The following TMPRSS11D variants were observed in gnomAD, a reference collection of about 807,000 sequenced individuals.
TMPRSS11D encodes transmembrane serine protease 11D, also known as transmembrane protease serine 11D.
A neutral mutation model predicts 44.4 loss-of-function variants in TMPRSS11D; 32 were observed. The ratio of observed to expected loss-of-function variants is 0.72; its 90% confidence interval spans 0.54 to 0.97. The LOEUF (loss-of-function observed/expected upper bound fraction) is 0.97, where lower values mean the gene tolerates loss of function less well. TMPRSS11D is among the 50% of genes least tolerant of loss of function. The probability of loss-of-function intolerance (pLI) is 0.00; values close to 1 mark genes in which losing one functional copy is unlikely to be tolerated. For missense variants in TMPRSS11D, 446 were observed against 502.6 expected (o/e 0.89, Z 1.08); for synonymous variants, 179 against 177.9 (o/e 1.01, Z -0.05).
intron 4 of TMPRSS11D, among the ~76,000 whole-genome samples, chr4:67,839,286 G>T (rs1465152621): frequency 6.6e-6 from 1 of 152,110 alleles, no homozygotes; most frequent in East Asian, 1.9e-4. Flanking sequence ...TTGCAGTTTA[G>T]ATGTAGAAAC....
At chr4:67,872,289 ATTCT>A in intron 1 of TMPRSS11D, among the ~76,000 whole-genome samples, 1 of 151,804 alleles carries the variant, frequency 6.6e-6, no homozygotes. Flanking sequence ...CCTTTCTTTC[ATTCT>A]TTATTTTCAT....
Position 67,842,580 on chromosome 4 carries a change from T to C in TMPRSS11D, c.295A>G (p.Arg99Gly). 6.2e-7 allele frequency: 1 copy of C among 1,608,328 alleles called. No homozygotes were observed. Among genetic ancestry groups the C allele is most frequent in the African/African-American group, 1.3e-5 (1 of 74,532 alleles). The change falls in exon 4 of 10, where the codon AGA becomes GGA. Residue 99 changes from arginine to glycine, a missense_variant. By Grantham distance (125) the Arg-to-Gly change is moderately radical. Transcript: ENST00000283916. ...CACCTCAGTTTGGCAACATGAGCTC[T>C]GATGAACTGATTTCTTAAATTTGAT... ...KESNLRNQFI[R>G]AHVAKLRQDG... is the part of the protein sequence containing the mutation.
In TMPRSS11D at chr4:67,838,663, TAG is replaced by T. The variant is rs1718161149; in HGVS notation, c.318-336_318-335del. Among the ~76,000 whole-genome samples, 8 of 152,190 alleles carry T rather than the reference TAG, an allele frequency of 5.3e-5. No individual in the cohort carries two copies. The South Asian group carries it at 1.4e-3, about 28-fold the overall frequency. ...CACATGTAAAATGGGTTATGAAGATTAGATGAATCACTATATGCAAAACTTCA... is the reference window on the plus strand; with the variant it reads ...CACATGTAAAATGGGTTATGAAGATTATGAATCACTATATGCAAAACTTCA... On this transcript the variant is annotated intron_variant, in intron 4 of 9. Transcript: ENST00000283916.
intron 3 of TMPRSS11D, among the ~76,000 whole-genome samples, chr4:67,843,523 T>A (rs1165172226): frequency 2.0e-5 from 3 of 152,156 alleles, no homozygotes; most frequent in African/African-American, 7.2e-5. Flanking sequence ...TGTACACCTA[T>A]TATGTACCCA....
chr4:67,857,270 G>T (rs1577822266), intron 2 of TMPRSS11D, among the ~76,000 whole-genome samples: 1 of 82,534 alleles, frequency 1.2e-5, no homozygotes, highest in Non-Finnish European at 2.4e-5. Flanking sequence ...AAGAAAATAT[G>T]GTATATATAT....
chr4:67,825,077 AGTT>A (rs1274968053), intron 9 of TMPRSS11D, among the ~76,000 whole-genome samples: 4 of 152,022 alleles, frequency 2.6e-5, no homozygotes, highest in Non-Finnish European at 2.9e-5. Context: ...CAAATATAAT[AGTT>A]ATTTCTTTTC....
intron 3 of TMPRSS11D, among the ~76,000 whole-genome samples, chr4:67,849,506 G>T (rs1416240136): frequency 7.8e-6 from 1 of 127,752 alleles, no homozygotes; most frequent in African/African-American, 3.0e-5. Flanking sequence ...TAGAGGAGGG[G>T]GAGCCTGTAA....
intron 3 of TMPRSS11D, among the ~76,000 whole-genome samples, chr4:67,853,465 G>T (rs1021260665): frequency 2.2e-4 from 33 of 152,166 alleles, no homozygotes; most frequent in African/African-American, 8.0e-4. Flanking sequence ...AAAGGTAAGG[G>T]TAAGTGAGTG....
intron 7 of TMPRSS11D, among the ~76,000 whole-genome samples, chr4:67,827,840 A>G (rs1228437890): frequency 1.3e-5 from 2 of 152,068 alleles, no homozygotes; most frequent in Non-Finnish European, 2.9e-5. Context: ...TCTTTTGTCC[A>G]TACCTCCCTT....
At chr4:67,823,989 T>C (rs1274220689) in intron 9 of TMPRSS11D, among the ~76,000 whole-genome samples, 1 of 152,162 alleles carries the variant, frequency 6.6e-6, no homozygotes, top group East Asian at 1.9e-4. Flanking sequence ...ATAGACTTGC[T>C]GAATGCAGGG....
At chr4:67,834,375 AGT>A (rs1718024349) in intron 6 of TMPRSS11D, among the ~76,000 whole-genome samples, 2 of 152,174 alleles carry the variant, frequency 1.3e-5, no homozygotes, top group Admixed American at 1.3e-4. Flanking sequence ...TGCTTATCAC[AGT>A]TTCATTAACA....
At chr4:67,822,565 T>C in intron 9 of TMPRSS11D, 67 bp from the exon 10 acceptor site, 1 of 1,556,372 alleles carries the variant, frequency 6.4e-7, no homozygotes, top group Middle Eastern at 1.7e-4. Flanking sequence ...AGGAGTTTAT[T>C]TCTATGGCAG....
chr4:67,839,255 T>A (rs757118947), intron 4 of TMPRSS11D, among the ~76,000 whole-genome samples: 3 of 152,136 alleles, frequency 2.0e-5, no homozygotes, highest in Non-Finnish European at 4.4e-5. Context: ...GGGACTAAGA[T>A]TCACAGTTGC....
intron 1 of TMPRSS11D, among the ~76,000 whole-genome samples, chr4:67,872,210 C>T (rs1338779627): frequency 6.6e-6 from 1 of 152,126 alleles, no homozygotes; most frequent in African/African-American, 2.4e-5. Context: ...GCCTATTTCC[C>T]CCCAAAATGG....
At position 67,825,745 on chromosome 4, in the gene TMPRSS11D, A is replaced by G. The variant is rs778940642; in HGVS notation, c.1082T>C (p.Val361Ala). 12 of 1,612,520 alleles carry G rather than the reference A, an allele frequency of 7.4e-6. No homozygotes were observed. The highest frequency in any genetic ancestry group is 1.7e-5 in the Admixed American group (1 of 59,772). Residue 361 changes from valine to alanine, a missense_variant, in exon 9 of 10, where the codon GTG becomes GCG. Physicochemically the swap from Val to Ala is moderately conservative, Grantham distance 64. Coordinates refer to ENST00000283916, the MANE Select transcript of TMPRSS11D (RefSeq NM_004262.3). ...TCTTGAGCTTACCTGACATGCGTCC[A>G]CTCCACCTTGAGGTACTCCAGCACA... ...MLCAGVPQGGVDACQGDSGGP... is the reference protein window; with the variant it reads ...MLCAGVPQGGADACQGDSGGP...
intron 1 of TMPRSS11D, among the ~76,000 whole-genome samples, chr4:67,864,744 C>G (rs113472269): frequency 6.6e-6 from 1 of 151,644 alleles, no homozygotes; most frequent in Non-Finnish European, 1.5e-5. Flanking sequence ...TCAGATAAAA[C>G]AAGGTTTAAA....
chr4:67,878,359 C>T (rs1719243490), intron 1 of TMPRSS11D, among the ~76,000 whole-genome samples: 2 of 152,140 alleles, frequency 1.3e-5, no homozygotes, highest in South Asian at 4.1e-4. Context: ...TAAAGACTAC[C>T]TTTTGCTCTA....
At chr4:67,866,420 A>T (rs1164091447) in intron 1 of TMPRSS11D, among the ~76,000 whole-genome samples, 2 of 151,934 alleles carry the variant, frequency 1.3e-5, no homozygotes, top group Non-Finnish European at 2.9e-5. Context: ...AAAGCATTCC[A>T]CCGAAGAATT....
At chr4:67,863,620 G>A (rs921342271) in intron 1 of TMPRSS11D, among the ~76,000 whole-genome samples, 9 of 152,064 alleles carry the variant, frequency 5.9e-5, no homozygotes, top group African/African-American at 1.7e-4. Flanking sequence ...CTAAGGGGAT[G>A]TGAAAAGGGA....
Sources: allele counts gnomAD v4.1 joint callset (sites outside exome capture counted in the v4.1 genomes callset), GRCh38; gene constraint gnomAD v4.1.1; transcripts MANE v1.5; gene names NCBI Gene and HGNC (gene_info 2026-07-23, HGNC 2026-07-21).